The following G2E3 variants were observed in gnomAD, a reference collection of about 807,000 sequenced individuals.
The protein encoded by G2E3 is G2/M phase-specific E3 ubiquitin-protein ligase.
G2E3 carries 35 observed loss-of-function variants against 92.8 expected under a neutral mutation model. The ratio of observed to expected loss-of-function variants is 0.38; its 90% CI spans 0.29 to 0.50. G2E3 has a LOEUF of 0.50. G2E3 is among the 20% of genes least tolerant of loss of function. The pLI, the probability that G2E3 is intolerant of heterozygous loss-of-function variation, is 0.94. For synonymous variants in G2E3, 242 were observed against 272.4 expected (o/e 0.89, Z 1.10); for missense variants, 554 against 823.8 (o/e 0.67, Z 4.01).
intron 4 of G2E3, chr14:30,590,736 A>G (rs770896268): frequency 2.0e-5 from 9 of 455,868 alleles, no homozygotes; most frequent in South Asian, 1.2e-4. Context: ...GTGAGCATGA[A>G]TCTAAGGACT....
chr14:30,591,692 A>G (rs1400437795), intron 4 of G2E3, among the ~76,000 whole-genome samples: 2 of 152,086 alleles, frequency 1.3e-5, no homozygotes, highest in Non-Finnish European at 2.9e-5. Context: ...TTTCTCTTGT[A>G]AAGACCTCAG....
intron 1 of G2E3, among the ~76,000 whole-genome samples, chr14:30,578,897 T>C (rs1880272245): frequency 6.6e-6 from 1 of 152,238 alleles, no homozygotes; most frequent in Non-Finnish European, 1.5e-5. Context: ...TCTTGTACCA[T>C]TTGTTTAAAA....
At chr14:30,573,844 A>G (rs1377525245) in intron 1 of G2E3, among the ~76,000 whole-genome samples, 4 of 152,198 alleles carry the variant, frequency 2.6e-5, no homozygotes, top group Non-Finnish European at 4.4e-5. Flanking sequence ...ACTCTCACAG[A>G]CACATCCAAA....
chr14:30,580,389 A>T (rs1469001628), intron 1 of G2E3, among the ~76,000 whole-genome samples: 2 of 152,086 alleles, frequency 1.3e-5, no homozygotes, highest in Non-Finnish European at 2.9e-5. Context: ...TATTTTTGGT[A>T]GAAACAGGGT....
intron 1 of G2E3, among the ~76,000 whole-genome samples, chr14:30,578,618 A>G (rs1037143167): frequency 3.9e-5 from 6 of 152,188 alleles, no homozygotes; most frequent in African/African-American, 1.4e-4. Context: ...GACAGTGTAA[A>G]TCTGTATTGT....
At chr14:30,616,167 CTG>C (rs1012484169) in intron 14 of G2E3, 109 bp from the exon 15 acceptor site, 45 of 718,352 alleles carry the variant, frequency 6.3e-5, no homozygotes, top group Non-Finnish European at 9.5e-5. Context: ...ATGTGGGAGT[CTG>C]TGCCTTTCAG....
intron 3 of G2E3, among the ~76,000 whole-genome samples, chr14:30,587,734 A>T (rs192415400): frequency 7.2e-5 from 11 of 152,242 alleles, no homozygotes; most frequent in Middle Eastern, 3.4e-3. Flanking sequence ...CTCTTAGTAA[A>T]TAAGGCTACT....
rs371822702 is a variant in G2E3, at chr14:30,615,474, C to T, written c.1799C>T (p.Thr600Ile). 6.8e-6 allele frequency: 11 copies of T among 1,611,064 alleles called. No individual in the cohort carries two copies. Among genetic ancestry groups the T allele is most frequent in the African/African-American group, 2.7e-5 (2 of 74,798 alleles). The change falls in exon 14 of 15, where the codon ACA (threonine) becomes ATA (isoleucine). Residue 600 changes from threonine (T) to isoleucine (I), a missense_variant. Thr to Ile is a moderately conservative substitution (Grantham distance 89). Around this residue, in one of 3 missense-constraint regions of G2E3, gnomAD observed 397 missense variants for 560.3 expected, o/e 0.71. Transcript: ENST00000206595. ...LSAKILSELF[T>I]VHTLPDVKAL... ...GCAAAAATCCTTAGTGAGCTTTTTA[C>T]AGTACACACATTACCTGATGTGAAA...
Position 30,617,615 on chromosome 14 carries a change from G to C in G2E3, c.*1081G>C, listed in dbSNP as rs1252892658. 6.6e-6 allele frequency: 1 copy of C among 151,956 alleles called. No homozygotes were observed. The highest frequency in any genetic ancestry group is 1.5e-5 in the Non-Finnish European group (1 of 67,938). The allele number at this position is 151,956 out of a possible 1,614,324, so 9.4% of individuals were successfully genotyped here. A position where few individuals can be genotyped will look rare whatever the true frequency, so the allele number is the denominator to read the frequency against. On this transcript the variant is annotated 3_prime_UTR_variant, in exon 15 of 15. Coordinates refer to ENST00000206595, the MANE Select transcript of G2E3 (RefSeq NM_017769.5). ...GAATGATATCTGTTATATAAGCAAT[G>C]TATAAATAAAGTAAAAAGGATAGAA...
At chr14:30,603,640 G>A (rs1392375142) in intron 10 of G2E3, among the ~76,000 whole-genome samples, 2 of 151,984 alleles carry the variant, frequency 1.3e-5, no homozygotes, top group African/African-American at 4.8e-5. Flanking sequence ...CCTGGAGTTC[G>A]AAACCAGTCT....
intron 11 of G2E3, among the ~76,000 whole-genome samples, chr14:30,606,467 A>G (rs2138897803): frequency 6.6e-6 from 1 of 152,266 alleles, no homozygotes; most frequent in Non-Finnish European, 1.5e-5. Context: ...ACCATTGCCT[A>G]AAGCATCATT....
chr14:30,599,493 C>G (rs1444797005), intron 8 of G2E3, among the ~76,000 whole-genome samples: 2 of 152,094 alleles, frequency 1.3e-5, no homozygotes, highest in Admixed American at 6.6e-5. Context: ...TCCCAAAGTG[C>G]TGGGATTACA....
At chr14:30,594,778 C>CT (rs201105709) in intron 6 of G2E3, among the ~76,000 whole-genome samples, 2,390 of 142,914 alleles carry the variant, frequency 0.017, 56 homozygotes, top group African/African-American at 0.056. Context: ...TGACTGATAC[C>CT]TTTTTTTTTT....
At chr14:30,589,079 A>T (rs1299259106) in intron 3 of G2E3, among the ~76,000 whole-genome samples, 1 of 151,822 alleles carries the variant, frequency 6.6e-6, no homozygotes, top group Non-Finnish European at 1.5e-5. Context: ...TTCTTCCTCT[A>T]ACCCACCTAA....
chr14:30,571,361 C>A (rs1879752247), intron 1 of G2E3, among the ~76,000 whole-genome samples: 1 of 151,560 alleles, frequency 6.6e-6, no homozygotes, highest in South Asian at 2.1e-4. Flanking sequence ...GATATAAATC[C>A]TTTGTCAGGT....
At chr14:30,573,162 A>G (rs1206906481) in intron 1 of G2E3, among the ~76,000 whole-genome samples, 1 of 152,052 alleles carries the variant, frequency 6.6e-6, no homozygotes, top group Non-Finnish European at 1.5e-5. Context: ...TATGTTTATT[A>G]TTTCCTAGAA....
chr14:30,607,788 A>G, intron 11 of G2E3, 100 bp from the exon 12 acceptor site: 1 of 574,266 alleles, frequency 1.7e-6, no homozygotes, highest in Non-Finnish European at 3.0e-6. Flanking sequence ...AATTATATTT[A>G]TCTAATGCTT....
At chr14:30,592,700 A>G (rs1182723928) in intron 5 of G2E3, among the ~76,000 whole-genome samples, 1 of 152,032 alleles carries the variant, frequency 6.6e-6, no homozygotes, top group Non-Finnish European at 1.5e-5. Flanking sequence ...TATAACATGA[A>G]ATTGTTAATT....
chr14:30,603,173 A>G (rs1881657637), intron 10 of G2E3, among the ~76,000 whole-genome samples: 2 of 152,096 alleles, frequency 1.3e-5, no homozygotes, highest in African/African-American at 2.4e-5. Context: ...TAAAAATACA[A>G]AAATTAGCTG....
Sources: allele counts gnomAD v4.1 joint callset (sites outside exome capture counted in the v4.1 genomes callset), GRCh38; gene constraint gnomAD v4.1.1; regional missense constraint gnomAD v4.1.1; transcripts MANE v1.5; gene names NCBI Gene and HGNC (gene_info 2026-07-23, HGNC 2026-07-21).